FRMD4A: variants seen among roughly 807,000 people sequenced by gnomAD.
The protein encoded by FRMD4A is FERM domain-containing protein 4A.
FRMD4A carries 29 observed loss-of-function variants against 129.1 expected under a neutral mutation model. That is an observed-to-expected ratio of 0.22 (90% CI 0.17 to 0.31). The LOEUF is 0.31. Among genes scored for constraint, FRMD4A ranks in the 10% least tolerant of loss-of-function variants. The pLI, the probability that FRMD4A is intolerant of heterozygous loss-of-function variation, is 1.00. For synonymous variants in FRMD4A, 634 were observed against 571.6 expected (o/e 1.11, Z -1.56); for missense variants, 1,272 against 1,375.8 (o/e 0.92, Z 1.19).
intron 2 of FRMD4A, among the ~76,000 whole-genome samples, chr10:13,954,183 C>T (rs1196688117): frequency 6.6e-6 from 1 of 152,184 alleles, no homozygotes; most frequent in Non-Finnish European, 1.5e-5. Flanking sequence ...GAGAGTCCCT[C>T]TTTCTAATCA....
intron 8 of FRMD4A, among the ~76,000 whole-genome samples, chr10:13,759,027 A>G (rs1411730682): frequency 1.3e-5 from 2 of 152,184 alleles, no homozygotes; most frequent in Non-Finnish European, 2.9e-5. Context: ...ACTCAAGTGT[A>G]CTAGTTTCTC....
At chr10:14,004,465 C>G (rs1373207286) in intron 2 of FRMD4A, among the ~76,000 whole-genome samples, 1 of 152,066 alleles carries the variant, frequency 6.6e-6, no homozygotes, top group Non-Finnish European at 1.5e-5. Context: ...TCACTTGAAC[C>G]CAGGAGGTGG....
intron 9 of FRMD4A, among the ~76,000 whole-genome samples, chr10:13,744,250 A>G (rs578260727): frequency 6.6e-5 from 10 of 152,168 alleles, no homozygotes; most frequent in Admixed American, 2.6e-4. Context: ...AGCATTTACA[A>G]ACTAGGCCCG....
intron 2 of FRMD4A, among the ~76,000 whole-genome samples, chr10:14,223,108 A>G (rs763222062): frequency 3.9e-5 from 6 of 152,076 alleles, no homozygotes; most frequent in Admixed American, 2.0e-4. Context: ...AACAACAACA[A>G]TAACAACAAC....
intron 2 of FRMD4A, among the ~76,000 whole-genome samples, chr10:14,050,661 C>T (rs902990861): frequency 5.3e-5 from 8 of 151,998 alleles, no homozygotes; most frequent in African/African-American, 7.3e-5. Flanking sequence ...AGGGGGCCTA[C>T]GGATTGAATC....
chr10:14,007,998 A>G lies in FRMD4A; in HGVS notation c.46-149086T>C. On this transcript the variant is annotated intron_variant, in intron 2 of 24. Coordinates refer to ENST00000357447, the MANE Select transcript of FRMD4A (RefSeq NM_018027.5). ...AACAGAAGTAACGCGGTATACAATG[A>G]AAACAAACATCTTCCTGTCTTTGGA... 7 of 1,284,390 alleles carry G rather than the reference A, an allele frequency of 5.5e-6. No homozygotes were observed. In the South Asian group the frequency reaches 8.7e-5, roughly 16 times the overall value. 79.6% of individuals were successfully genotyped at this position (1,284,390 alleles called of 1,614,324 possible).
chr10:13,670,323 G>T, intron 17 of FRMD4A, 83 bp downstream of exon 17: 1 of 1,408,332 alleles, frequency 7.1e-7, no homozygotes, highest in Non-Finnish European at 9.9e-7. Context: ...TGAAGAAATT[G>T]GTACAGAAAA....
At chr10:14,311,679 C>A (rs1846554637) in intron 2 of FRMD4A, among the ~76,000 whole-genome samples, 1 of 151,418 alleles carries the variant, frequency 6.6e-6, no homozygotes, top group Non-Finnish European at 1.5e-5. Flanking sequence ...GCAGCCACGT[C>A]TTGCTCTCCA....
At chr10:13,796,675 C>A in intron 4 of FRMD4A, 87 bp from the exon 5 acceptor site, 3 of 708,532 alleles carry the variant, frequency 4.2e-6, no homozygotes, top group Non-Finnish European at 5.1e-6. Context: ...GCAGAACGTG[C>A]TGGATCGTAG....
intron 2 of FRMD4A, among the ~76,000 whole-genome samples, chr10:14,316,146 A>G (rs150821594): frequency 7.7e-4 from 118 of 152,324 alleles, no homozygotes; most frequent in Non-Finnish European, 1.3e-3. Context: ...TAGTGATTCC[A>G]TGCTTCTTGG....
At chr10:13,791,697 A>G (rs2093005002) in intron 5 of FRMD4A, among the ~76,000 whole-genome samples, 1 of 152,154 alleles carries the variant, frequency 6.6e-6, no homozygotes, top group South Asian at 2.1e-4. Context: ...GCCAAGGGAC[A>G]TCTGTGAGCC....
rs139136746 is a variant in FRMD4A, at chr10:14,260,950, T to C, written c.45+69108A>G. ...CCATTGGGCACATTGTCCACCTCCA[T>C]GGGTCTTAGTTTTTTCTCTGGTAAA... On this transcript the variant is annotated intron_variant, in intron 2 of 24. Coordinates refer to ENST00000357447, the MANE Select transcript of FRMD4A (RefSeq NM_018027.5). Among the ~76,000 whole-genome samples the C allele has an allele frequency of 6.0e-3, 909 of 152,294 alleles. 11 individuals are homozygous for C. The highest frequency in any genetic ancestry group is 0.02 in the African/African-American group (847 of 41,568).
chr10:14,158,100 A>G (rs1840690920), intron 2 of FRMD4A, among the ~76,000 whole-genome samples: 1 of 152,180 alleles, frequency 6.6e-6, no homozygotes, highest in South Asian at 2.1e-4. Flanking sequence ...GGGCCTGATC[A>G]TAAAGAGCCT....
At chr10:13,769,148 G>A (rs538507502) in intron 6 of FRMD4A, among the ~76,000 whole-genome samples, 7 of 149,534 alleles carry the variant, frequency 4.7e-5, no homozygotes, top group African/African-American at 1.2e-4. Flanking sequence ...CCACCACCAC[G>A]CCTGGCTAAT....
chr10:14,135,162 T>C (rs1328209795), intron 2 of FRMD4A, among the ~76,000 whole-genome samples: 3 of 152,204 alleles, frequency 2.0e-5, no homozygotes, highest in Admixed American at 6.5e-5. Context: ...GTTTTCAGAG[T>C]GTTAAAGCAA....
In FRMD4A at chr10:13,904,992, C is replaced by CAAAGA. The variant is rs551011444; in HGVS notation, c.46-46081_46-46080insTCTTT. Among the ~76,000 whole-genome samples the CAAAGA allele has an allele frequency of 2.0e-4, 22 of 109,430 alleles. 2 individuals are homozygous for CAAAGA. Among genetic ancestry groups the CAAAGA allele is most frequent in the Middle Eastern group, 5.1e-3 (1 of 196 alleles). The allele number at this position is 109,430 out of a possible 152,430, so 71.8% of individuals were successfully genotyped here. ...TGGGCGACAGAGTGAGACTCTATCT[C>CAAAGA]AAAAAAAAAAAAAAAAAAGAAAAGA... On this transcript the variant is annotated intron_variant, in intron 2 of 24. Transcript: ENST00000357447.
At chr10:13,682,235 C>T (rs371377636) in intron 15 of FRMD4A, among the ~76,000 whole-genome samples, 3 of 152,016 alleles carry the variant, frequency 2.0e-5, no homozygotes, top group African/African-American at 4.8e-5. Flanking sequence ...AACCCTCCCC[C>T]GCCACTATTC....
At chr10:13,892,332 C>T (rs201048459) in intron 2 of FRMD4A, among the ~76,000 whole-genome samples, 3 of 152,232 alleles carry the variant, frequency 2.0e-5, no homozygotes, top group East Asian at 3.9e-4. Context: ...TTTTAATCTC[C>T]CCTCAACTCT....
chr10:13,745,276 A>T (rs2091231871), intron 9 of FRMD4A, among the ~76,000 whole-genome samples: 2 of 152,208 alleles, frequency 1.3e-5, no homozygotes, highest in African/African-American at 4.8e-5. Context: ...CAGTGAAATG[A>T]GGTGAAAGGG....
Sources: gnomAD v4.1 joint callset for allele counts (sites outside exome capture counted in the v4.1 genomes callset) on GRCh38, gnomAD v4.1.1 for gene constraint, MANE v1.5 for transcripts, NCBI Gene and HGNC (gene_info 2026-07-23, HGNC 2026-07-21) for gene names.